The following USP36 variants were observed in gnomAD, a reference collection of about 807,000 sequenced individuals.
USP36 encodes the protein ubiquitin carboxyl-terminal hydrolase 36.
Under a neutral mutation model 111.5 loss-of-function variants are expected in USP36, and 59 were observed. That is an observed-to-expected ratio of 0.53 (90% CI 0.43 to 0.66). The LOEUF is 0.66. USP36 is among the 30% of genes least tolerant of loss of function. The pLI, the probability that USP36 is intolerant of heterozygous loss-of-function variation, is 0.00. For synonymous variants in USP36, 628 were observed against 581.0 expected (o/e 1.08, Z -1.16); for missense variants, 1,488 against 1,468.0 (o/e 1.01, Z -0.22).
rs1038263285 is a variant in USP36, at chr17:78,796,119, G to A, written c.*1781C>T. 6.6e-6 allele frequency: 1 copy of A among 152,086 alleles called. No individual in the cohort carries two copies. The highest frequency in any genetic ancestry group is 1.5e-5 in the Non-Finnish European group (1 of 68,044). The allele number at this position is 152,086 out of a possible 1,614,324, so 9.4% of individuals were successfully genotyped here. On this transcript the variant is annotated 3_prime_UTR_variant, in exon 21 of 21. Transcript: ENST00000449938. ...AGAGTTAACGAATGTATGTACCCCA[G>A]GAAAAGGTTTTACAGTTATCTAGTG...
chr17:78,803,268 T>C lies in USP36; in HGVS notation c.2810+117A>G. 2 of 1,181,932 alleles carry C rather than the reference T, an allele frequency of 1.7e-6. No individual in the cohort carries two copies. The allele number at this position is 1,181,932 out of a possible 1,614,324, so 73.2% of individuals were successfully genotyped here. ...GACATCTGATCACAAATCCACATTT[T>C]AGAAAACCACGCAAGCAGACTACGT... is the stretch of plus-strand genomic sequence containing the variant. On this transcript the variant is annotated intron_variant, in intron 16 of 20. Transcript: ENST00000449938. This position sits in a 1 kb window ranked among gnomAD's most constrained non-coding sequence, Gnocchi z 4.6.
Position 78,798,657 on chromosome 17 carries a change from GCT to G in USP36, c.3241-108_3241-107del. The G allele has an allele frequency of 6.5e-7, 1 of 1,529,810 alleles. No homozygotes were observed. The highest frequency in any genetic ancestry group is 8.9e-7 in the Non-Finnish European group (1 of 1,129,596). 94.8% of individuals were successfully genotyped at this position (1,529,810 alleles called of 1,614,324 possible). A position where few individuals can be genotyped will look rare whatever the true frequency, so the allele number is the denominator to read the frequency against. On this transcript the variant is annotated intron_variant, in intron 19 of 20. Coordinates refer to ENST00000449938, the MANE Select transcript of USP36 (RefSeq NM_001385174.1). This position sits in a 1 kb window ranked among gnomAD's most constrained non-coding sequence, Gnocchi z 5.1. ...CTGCACACAGGCCGGGCTCTCATGA[GCT>G]CTCTGGAGACCCACTCTTCACAATG...
At chr17:78,815,721 C>T (rs7218605) in intron 10 of USP36, among the ~76,000 whole-genome samples, 74,194 of 151,900 alleles carry the variant, frequency 0.49, 18,293 homozygotes, top group Non-Finnish European at 0.53. Flanking sequence ...AAAAAATACA[C>T]GCACACATAT....
intron 10 of USP36, among the ~76,000 whole-genome samples, chr17:78,816,710 C>T (rs1349317925): frequency 6.6e-6 from 1 of 152,116 alleles, no homozygotes; most frequent in African/African-American, 2.4e-5. Flanking sequence ...CTCCCAGTCT[C>T]AAGCAATCCT....
In USP36 at chr17:78,821,970, G is replaced by A. The variant is rs146186604; in HGVS notation, c.724C>T (p.His242Tyr). The A allele has an allele frequency of 6.8e-6, 11 of 1,614,042 alleles. No individual in the cohort carries two copies. The African/African-American group carries it at 1.5e-4, about 22-fold the overall frequency. ...CTGAGATACCCTCCAAAAATTTGAT[G>A]GACCAAGGTAGTAGCCTGCGTTTGA... The part of the protein sequence containing the change: ...DRQTQATTLV[H>Y]QIFGGYLRSR... The change falls in exon 7 of 21, where the codon CAT becomes TAT. Residue 242 changes from histidine to tyrosine, a missense_variant. Physicochemically the swap from His to Tyr is moderately conservative, Grantham distance 83. Around this residue, in one of 3 missense-constraint regions of USP36, gnomAD observed 196 missense variants for 264.4 expected, o/e 0.74. Transcript: ENST00000449938.
intron 3 of USP36, among the ~76,000 whole-genome samples, chr17:78,789,429 G>C (rs932409549): frequency 6.6e-6 from 1 of 152,006 alleles, no homozygotes; most frequent in Non-Finnish European, 1.5e-5. Flanking sequence ...TGAATAAATA[G>C]AAGACAGAGG....
intron 10 of USP36, 46 bp downstream of exon 10, chr17:78,818,621 G>T: frequency 6.5e-7 from 1 of 1,549,688 alleles, no homozygotes; most frequent in South Asian, 1.1e-5. Flanking sequence ...TTCTGATGCC[G>T]ACTGTGGCCC....
chr17:78,807,623 C>T lies in USP36; in HGVS notation c.1421G>A (p.Gly474Glu). The change falls in exon 14 of 21, where the codon GGG becomes GAG. Residue 474 changes from glycine (G) to glutamate (E), a missense_variant. Physicochemically the swap from Gly to Glu is moderately conservative, Grantham distance 98. This residue lies in a region of USP36 where 1,073 missense variants were observed against 994.1 expected (regional missense o/e 1.08). Coordinates refer to ENST00000449938, the MANE Select transcript of USP36 (RefSeq NM_001385174.1). ...SPLTGKRQDSGTMKKPHTTEE... is the reference protein window; with the variant it reads ...SPLTGKRQDSETMKKPHTTEE... The stretch of plus-strand genomic sequence containing the variant: ...AGTGGTGTGCGGCTTCTTCATCGTC[C>T]CAGAGTCTTGTCGCTAAGGAGACCA... 4 of 1,530,352 alleles carry T rather than the reference C, an allele frequency of 2.6e-6. No homozygotes were observed. Among genetic ancestry groups the T allele is most frequent in the African/African-American group, 1.4e-5 (1 of 72,098 alleles). The allele number at this position is 1,530,352 out of a possible 1,614,324, so 94.8% of individuals were successfully genotyped here.
rs1400447242 is a variant in USP36, at chr17:78,828,995, C to A, written c.488G>T (p.Ser163Ile). 1.9e-6 allele frequency: 3 copies of A among 1,613,294 alleles called. No individual in the cohort carries two copies. ...CTGCATGACACACAGCATGCAGAAGCTTCCCTGGTGGCCTGCCGGCGTGGA... is the reference window on the plus strand; with the variant it reads ...CTGCATGACACACAGCATGCAGAAGATTCCCTGGTGGCCTGCCGGCGTGGA... ...KEHARSCHQGSFCMLCVMQNH... is the reference protein window; with the variant it reads ...KEHARSCHQGIFCMLCVMQNH... Residue 163 changes from serine (S) to isoleucine (I), a missense_variant, in exon 5 of 21, where the codon AGC (serine) becomes ATC (isoleucine). Around this residue, in one of 3 missense-constraint regions of USP36, gnomAD observed 219 missense variants for 209.5 expected, o/e 1.05. Transcript: ENST00000449938.
At chr17:78,804,164 A>G (rs576847184) in intron 15 of USP36, among the ~76,000 whole-genome samples, 186 bp from the exon 16 acceptor site, 1 of 152,216 alleles carries the variant, frequency 6.6e-6, no homozygotes, top group Non-Finnish European at 1.5e-5. Context: ...TTCAACATCT[A>G]TTTAAATGCA....
chr17:78,804,889 A>G (rs1201115448), intron 15 of USP36, among the ~76,000 whole-genome samples: 5 of 152,144 alleles, frequency 3.3e-5, no homozygotes, highest in African/African-American at 1.2e-4. Flanking sequence ...CAACCTCCGA[A>G]AGTCTCAGGG....
At chr17:78,817,529 C>T (rs976106061) in intron 10 of USP36, among the ~76,000 whole-genome samples, 6 of 151,952 alleles carry the variant, frequency 3.9e-5, no homozygotes, top group African/African-American at 9.7e-5. Context: ...CTGAGGCAGG[C>T]GGATCACCTG....
chr17:78,819,863 C>A, intron 9 of USP36, 67 bp downstream of exon 9: 1 of 1,530,486 alleles, frequency 6.5e-7, no homozygotes. Context: ...GGGCACAACA[C>A]TGTCAGGTGA....
At chr17:78,790,230 C>CCTGT (rs1309649397) in intron 3 of USP36, among the ~76,000 whole-genome samples, 1 of 151,908 alleles carries the variant, frequency 6.6e-6, no homozygotes, top group Non-Finnish European at 1.5e-5. Flanking sequence ...GCTGGGATTA[C>CCTGT]AGGCACCCAC....
In USP36 at chr17:78,807,453, C is replaced by A; in HGVS notation, c.1591G>T (p.Asp531Tyr). ...TPTHMPTILDDPGKKVKKPAP... is the reference protein window; with the variant it reads ...TPTHMPTILDYPGKKVKKPAP... ...GGCTTCTTCACCTTCTTTCCAGGGT[C>A]GTCTAGGATGGTTGGCATGTGTGTG... The change falls in exon 14 of 21, where the codon GAC becomes TAC. Residue 531 changes from aspartate to tyrosine, a missense_variant. This residue lies in a region of USP36 where 1,073 missense variants were observed against 994.1 expected (regional missense o/e 1.08). Transcript: ENST00000449938. The A allele has an allele frequency of 1.2e-6, 2 of 1,613,896 alleles. No individual in the cohort carries two copies. Among genetic ancestry groups the A allele is most frequent in the Non-Finnish European group, 1.7e-6 (2 of 1,179,944 alleles).
intron 4 of USP36, among the ~76,000 whole-genome samples, chr17:78,831,621 T>C (rs924975944): frequency 2.1e-4 from 32 of 151,876 alleles, no homozygotes; most frequent in African/African-American, 7.5e-4. Flanking sequence ...AAAAACTGTG[T>C]AGAAATTAAG....
At position 78,813,005 on chromosome 17, in the gene USP36, T is replaced by A; in HGVS notation, c.1266-4A>T. The A allele has an allele frequency of 6.2e-7, 1 of 1,613,712 alleles. No individual in the cohort carries two copies. The highest frequency in any genetic ancestry group is 1.3e-5 in the African/African-American group (1 of 74,940). On this transcript the variant is annotated splice_region_variant and splice_polypyrimidine_tract_variant and intron_variant, in intron 12 of 20. Coordinates refer to ENST00000449938, the MANE Select transcript of USP36 (RefSeq NM_001385174.1). ...ACTTTTCTTAGAGCCTGGAATTCTG[T>A]CAAAGGAAGAAAACAAGTAGGGAAT...
At position 78,807,625 on chromosome 17, in the gene USP36, A is replaced by G. The variant is rs766763515; in HGVS notation, c.1419T>C (p.Ser473=). ...SSPLTGKRQD[S]GTMKKPHTTE... is the part of the protein sequence containing the mutation. Reference sequence around the variant, plus strand: ...TGGTGTGCGGCTTCTTCATCGTCCCAGAGTCTTGTCGCTAAGGAGACCAAA... The same window carrying G: ...TGGTGTGCGGCTTCTTCATCGTCCCGGAGTCTTGTCGCTAAGGAGACCAAA... Residue 473 remains serine, a synonymous_variant, in exon 14 of 21, where the codon TCT becomes TCC. Coordinates refer to ENST00000449938, the MANE Select transcript of USP36 (RefSeq NM_001385174.1). 1 of 1,530,082 alleles carries G rather than the reference A, an allele frequency of 6.5e-7. No homozygotes were observed. Among genetic ancestry groups the G allele is most frequent in the Non-Finnish European group, 8.8e-7 (1 of 1,139,456 alleles). 94.8% of individuals were successfully genotyped at this position (1,530,082 alleles called of 1,614,324 possible).
intron 17 of USP36, among the ~76,000 whole-genome samples, chr17:78,800,969 A>AT (rs746497209): frequency 0.015 from 1,464 of 97,190 alleles, 20 homozygotes; most frequent in African/African-American, 0.029. Context: ...TTAGGGCAGT[A>AT]TTTTTTTTTT....
Sources: allele counts gnomAD v4.1 joint callset (sites outside exome capture counted in the v4.1 genomes callset), GRCh38; gene constraint gnomAD v4.1.1; regional missense constraint gnomAD v4.1.1; non-coding constraint Gnocchi (gnomAD v3.1); transcripts MANE v1.5; gene names NCBI Gene and HGNC (gene_info 2026-07-23, HGNC 2026-07-21).